Variants in FGGY observed in about 807,000 individuals in gnomAD.
The protein encoded by FGGY is FGGY carbohydrate kinase domain containing, also known as FGGY carbohydrate kinase domain-containing protein.
Under a neutral mutation model 71.3 loss-of-function variants are expected in FGGY, and 72 were observed. The ratio of observed to expected loss-of-function variants is 1.01; its 90% CI spans 0.84 to 1.23. The LOEUF (loss-of-function observed/expected upper bound fraction) is 1.23. Ranked by LOEUF, FGGY falls within the 50% of genes most tolerant of loss-of-function variation. The pLI is 0.00. For synonymous variants in FGGY, 251 were observed against 250.3 expected (o/e 1.00, Z -0.02); for missense variants, 668 against 682.3 (o/e 0.98, Z 0.23).
rs148087686 is a variant in FGGY, at chr1:59,485,993, A to G, written c.671-26318A>G. Among the ~76,000 whole-genome samples, 8 of 152,318 alleles carry G rather than the reference A, an allele frequency of 5.3e-5. No individual in the cohort carries two copies. In the East Asian group the frequency reaches 5.8e-4, roughly 11 times the overall value. On this transcript the variant is annotated intron_variant, in intron 6 of 15. Coordinates refer to ENST00000303721, the MANE Select transcript of FGGY (RefSeq NM_018291.5). ...TGGACCTAAACTCCAACTTTTCCCT[A>G]TGTAGGATACCTGTCTCCTAGACTT...
intron 11 of FGGY, among the ~76,000 whole-genome samples, chr1:59,656,837 CAT>C (rs1364698385): frequency 6.6e-6 from 1 of 152,186 alleles, no homozygotes; most frequent in African/African-American, 2.4e-5. Context: ...ATTTCACCCT[CAT>C]GTGTCCCTTT....
chr1:59,744,152 G>A (rs2098173779), intron 14 of FGGY, among the ~76,000 whole-genome samples: 1 of 152,184 alleles, frequency 6.6e-6, no homozygotes, highest in Non-Finnish European at 1.5e-5. Flanking sequence ...AACTTTATGA[G>A]TAATTATTTC....
At chr1:59,541,206 A>G (rs1211758559) in intron 7 of FGGY, among the ~76,000 whole-genome samples, 3 of 152,212 alleles carry the variant, frequency 2.0e-5, no homozygotes, top group African/African-American at 7.2e-5. Flanking sequence ...TCTTGTATAT[A>G]TAACCAGGGA....
intron 4 of FGGY, among the ~76,000 whole-genome samples, chr1:59,367,304 C>T (rs1571078818): frequency 6.6e-6 from 1 of 152,322 alleles, no homozygotes; most frequent in East Asian, 1.9e-4. Flanking sequence ...CTTCCAGCGT[C>T]ATATTTCTTT....
chr1:59,587,458 G>A (rs375699041), intron 8 of FGGY, among the ~76,000 whole-genome samples: 25 of 152,070 alleles, frequency 1.6e-4, no homozygotes, highest in Admixed American at 1.3e-3. Flanking sequence ...CTCCCAGCAC[G>A]CAACTGGAGA....
At chr1:59,529,203 T>C (rs1397256567) in intron 7 of FGGY, among the ~76,000 whole-genome samples, 4 of 152,200 alleles carry the variant, frequency 2.6e-5, no homozygotes, top group Non-Finnish European at 5.9e-5. Context: ...GGCAGATGGA[T>C]TGAGTTCTAC....
intron 5 of FGGY, among the ~76,000 whole-genome samples, chr1:59,405,749 C>G (rs2062637546): frequency 6.6e-6 from 1 of 152,068 alleles, no homozygotes; most frequent in Non-Finnish European, 1.5e-5. Flanking sequence ...GTCATTTGCC[C>G]CACTTGGTTG....
At chr1:59,499,295 G>GTTTGTTTTTTTTT (rs2094145057) in intron 6 of FGGY, among the ~76,000 whole-genome samples, 4 of 70,088 alleles carry the variant, frequency 5.7e-5, no homozygotes, top group Admixed American at 1.5e-4. Context: ...TGTATACTAT[G>GTTTGTTTTTTTTT]TTTGTTTTTT....
chr1:59,667,282 G>T lies in FGGY; in HGVS notation c.1297-1G>T. ...TGCTATCTTCTGCTTTTCCTTTCAA[G>T]TTGGGGACTCGCTTCATTATAGAAG... On this transcript the variant is annotated splice_acceptor_variant, in intron 12 of 15. Coordinates refer to ENST00000303721, the MANE Select transcript of FGGY (RefSeq NM_018291.5). LOFTEE classifies it high-confidence loss of function. The T allele has an allele frequency of 6.2e-7, 1 of 1,614,056 alleles. No homozygotes were observed.
intron 8 of FGGY, among the ~76,000 whole-genome samples, chr1:59,580,771 ACTTCCT>A: frequency 6.6e-6 from 1 of 152,066 alleles, no homozygotes; most frequent in South Asian, 2.1e-4. Context: ...TTTTTCTACT[ACTTCCT>A]CTTCATCACA....
At chr1:59,595,361 G>A (rs1268035559) in intron 8 of FGGY, among the ~76,000 whole-genome samples, 2 of 152,146 alleles carry the variant, frequency 1.3e-5, no homozygotes, top group Admixed American at 1.3e-4. Flanking sequence ...ATTGGCACAG[G>A]TTGCTTTATG....
At chr1:59,601,032 T>C (rs2096572545) in intron 8 of FGGY, among the ~76,000 whole-genome samples, 1 of 148,508 alleles carries the variant, frequency 6.7e-6, no homozygotes, top group Admixed American at 6.8e-5. Flanking sequence ...GTTGGCTGGA[T>C]TGTGTATAAA....
chr1:59,744,401 A>G (rs773421758), intron 14 of FGGY, among the ~76,000 whole-genome samples: 5 of 152,180 alleles, frequency 3.3e-5, no homozygotes, highest in Non-Finnish European at 7.3e-5. Flanking sequence ...GTGTATTTTC[A>G]GTAGAGACAG....
intron 5 of FGGY, among the ~76,000 whole-genome samples, chr1:59,426,596 G>T (rs530844111): frequency 2.3e-4 from 35 of 152,328 alleles, no homozygotes; most frequent in African/African-American, 7.9e-4. Context: ...CCCCATTGGA[G>T]AGGCCATCCC....
At chr1:59,687,404 T>C (rs917143368) in intron 14 of FGGY, among the ~76,000 whole-genome samples, 1 of 152,202 alleles carries the variant, frequency 6.6e-6, no homozygotes, top group Non-Finnish European at 1.5e-5. Flanking sequence ...CTGCTGTCGG[T>C]AACCTCTGTG....
chr1:59,370,425 T>C (rs1432534392), intron 4 of FGGY, among the ~76,000 whole-genome samples: 1 of 152,130 alleles, frequency 6.6e-6, no homozygotes, highest in Non-Finnish European at 1.5e-5. Context: ...CAAATCTACG[T>C]CTGATTGGTG....
chr1:59,616,168 T>C (rs1254045644), intron 9 of FGGY, among the ~76,000 whole-genome samples: 2 of 152,198 alleles, frequency 1.3e-5, no homozygotes, highest in Non-Finnish European at 2.9e-5. Context: ...ATCATGCTGC[T>C]ATTAGACACA....
At chr1:59,506,428 C>T (rs1197391627) in intron 6 of FGGY, among the ~76,000 whole-genome samples, 2 of 152,050 alleles carry the variant, frequency 1.3e-5, no homozygotes, top group Admixed American at 6.6e-5. Context: ...CAAATCTATA[C>T]CTTAATTCAA....
intron 10 of FGGY, among the ~76,000 whole-genome samples, chr1:59,636,484 G>A (rs527431366): frequency 5.1e-4 from 78 of 152,196 alleles, no homozygotes; most frequent in Admixed American, 1.6e-3. Context: ...TTAGCCAGGC[G>A]TGGTGGCGGA....
Sources: gnomAD v4.1 joint callset for allele counts (sites outside exome capture counted in the v4.1 genomes callset) on GRCh38, gnomAD v4.1.1 for gene constraint, MANE v1.5 for transcripts, NCBI Gene and HGNC (gene_info 2026-07-23, HGNC 2026-07-21) for gene names.